Variants in ING3 observed in about 807,000 individuals in gnomAD.
The protein encoded by ING3 is inhibitor of growth protein 3.
Under a neutral mutation model 64.8 loss-of-function variants are expected in ING3, and 6 were observed. The ratio of observed to expected loss-of-function variants is 0.09; its 90% CI spans 0.05 to 0.18. The LOEUF is 0.18. Among genes scored for constraint, ING3 ranks in the 10% least tolerant of loss-of-function variants. The probability of loss-of-function intolerance (pLI) is 1.00; values close to 1 mark genes in which losing one functional copy is unlikely to be tolerated. For missense variants in ING3, 310 were observed against 489.7 expected (o/e 0.63, Z 3.46); for synonymous variants, 170 against 173.7 (o/e 0.98, Z 0.17).
chr7:120,954,752 A>T (rs575332608), intron 3 of ING3, among the ~76,000 whole-genome samples: 52 of 151,806 alleles, frequency 3.4e-4, no homozygotes, highest in South Asian at 2.1e-3. Context: ...CCTCTTTTTT[A>T]AAAAAAAATT....
At chr7:120,952,291 A>G (rs1229513800) in intron 2 of ING3, among the ~76,000 whole-genome samples, 2 of 152,196 alleles carry the variant, frequency 1.3e-5, no homozygotes, top group African/African-American at 2.4e-5. Flanking sequence ...TTACTCATTG[A>G]CTCTGACTGT....
chr7:120,974,265 T>C (rs1253099401), intron 11 of ING3, among the ~76,000 whole-genome samples: 2 of 152,214 alleles, frequency 1.3e-5, no homozygotes, highest in East Asian at 3.8e-4. Context: ...TCTCTACATT[T>C]CAAGGAATAG....
intron 4 of ING3, among the ~76,000 whole-genome samples, chr7:120,957,715 G>T (rs966495276): frequency 3.9e-5 from 6 of 152,148 alleles, no homozygotes; most frequent in African/African-American, 1.4e-4. Context: ...TAATTGAGAA[G>T]GGATAGATTC....
At chr7:120,966,546 C>T (rs921898339) in intron 5 of ING3, 80 bp from the exon 6 acceptor site, 3 of 1,035,610 alleles carry the variant, frequency 2.9e-6, no homozygotes, top group East Asian at 2.4e-5. Flanking sequence ...TAAGGGAACT[C>T]ATTGCCTGTA....
At chr7:120,952,360 A>G (rs1414418243) in intron 2 of ING3, among the ~76,000 whole-genome samples, 3 of 152,228 alleles carry the variant, frequency 2.0e-5, no homozygotes, top group Non-Finnish European at 4.4e-5. Context: ...AAGGATTTAA[A>G]ATGTTACACA....
In ING3 at chr7:120,974,860, T is replaced by TTGA; in HGVS notation, c.*20_*22dup. The TTGA allele has an allele frequency of 6.5e-7, 1 of 1,545,290 alleles. No individual in the cohort carries two copies. Among genetic ancestry groups the TTGA allele is most frequent in the South Asian group, 1.2e-5 (1 of 86,632 alleles). The stretch of plus-strand genomic sequence containing the variant: ...ACACAAATAAAGGTGGTCCTTTTGT[T>TTGA]TGATGAAGAAATAAACTTCAGCTGA... On this transcript the variant is annotated 3_prime_UTR_variant, in exon 12 of 12. Coordinates refer to ENST00000315870, the MANE Select transcript of ING3 (RefSeq NM_019071.3).
chr7:120,958,205 T>C (rs1795880050), intron 4 of ING3, among the ~76,000 whole-genome samples: 1 of 151,938 alleles, frequency 6.6e-6, no homozygotes, highest in Non-Finnish European at 1.5e-5. Flanking sequence ...TCCTTTTTAT[T>C]ATTTTTTTTC....
At chr7:120,956,720 T>C (rs1217339081) in intron 4 of ING3, 36 of 982,216 alleles carry the variant, frequency 3.7e-5, no homozygotes, top group Admixed American at 6.1e-5. Context: ...TGTTTCAGTC[T>C]TTAATTATGT....
intron 3 of ING3, among the ~76,000 whole-genome samples, chr7:120,955,102 C>T (rs1795825628): frequency 6.6e-6 from 1 of 152,030 alleles, no homozygotes; most frequent in Non-Finnish European, 1.5e-5. Context: ...ACCATCCCCA[C>T]CCTATTTCTA....
chr7:120,959,866 C>T (rs1341687640), intron 4 of ING3, among the ~76,000 whole-genome samples: 1 of 151,632 alleles, frequency 6.6e-6, no homozygotes. Context: ...AGGATGGTCT[C>T]GAACTCCTGA....
chr7:120,974,620 T>G, intron 11 of ING3, 108 bp from the exon 12 acceptor site: 1 of 575,250 alleles, frequency 1.7e-6, no homozygotes, highest in Non-Finnish European at 3.2e-6. Context: ...GTCACACATC[T>G]AATTATTGTT....
intron 4 of ING3, among the ~76,000 whole-genome samples, chr7:120,963,368 AAT>A (rs1026511800): frequency 1.3e-5 from 2 of 152,174 alleles, no homozygotes; most frequent in African/African-American, 2.4e-5. Context: ...GATTGTTGTT[AAT>A]ATATAAAATA....
chr7:120,964,669 G>T, intron 4 of ING3, 73 bp from the exon 5 acceptor site: 1 of 1,158,310 alleles, frequency 8.6e-7, no homozygotes, highest in East Asian at 2.3e-5. Flanking sequence ...CAAAAATTTA[G>T]GTTTCCTCAT....
intron 2 of ING3, among the ~76,000 whole-genome samples, chr7:120,952,737 A>G (rs1795785990): frequency 6.6e-6 from 1 of 151,974 alleles, no homozygotes; most frequent in African/African-American, 2.4e-5. Flanking sequence ...ACATAACAAC[A>G]GAATCTTTTT....
rs1414449050 is a variant in ING3, at chr7:120,974,939, T to G, written c.*95T>G. 3.0e-4 allele frequency: 220 copies of G among 733,744 alleles called. 1 individual carries two copies. Among genetic ancestry groups the G allele is most frequent in the Non-Finnish European group, 4.2e-4 (192 of 452,098 alleles). The allele number at this position is 733,744 out of a possible 1,614,324, so 45.5% of individuals were successfully genotyped here. ...AGAAGAGAAAGAAGAAACAATGCAT[T>G]TCCAGGCAACCACTTAAAGGATTTA... On this transcript the variant is annotated 3_prime_UTR_variant, in exon 12 of 12. Coordinates refer to ENST00000315870, the MANE Select transcript of ING3 (RefSeq NM_019071.3).
chr7:120,959,797 C>T (rs1364575320), intron 4 of ING3, among the ~76,000 whole-genome samples: 1 of 151,474 alleles, frequency 6.6e-6, no homozygotes, highest in African/African-American at 2.4e-5. Context: ...AGGCGCCCAC[C>T]ACCACGCCCG....
rs546967401 is a variant in ING3, at chr7:120,975,134, A to G, written c.*290A>G. ...TTTGTACTCCTCAACCATTTTCTCA[A>G]AGTAATGGGCATTCTATGATTTAGA... is the stretch of plus-strand genomic sequence containing the variant. On this transcript the variant is annotated 3_prime_UTR_variant, in exon 12 of 12. Transcript: ENST00000315870. The G allele has an allele frequency of 1.9e-4, 38 of 195,894 alleles. No individual in the cohort carries two copies. The highest frequency in any genetic ancestry group is 3.9e-4 in the Non-Finnish European group (37 of 94,140). 12.1% of individuals were successfully genotyped at this position (195,894 alleles called of 1,614,324 possible). A position where few individuals can be genotyped will look rare whatever the true frequency, so the allele number is the denominator to read the frequency against.
intron 10 of ING3, among the ~76,000 whole-genome samples, chr7:120,972,108 T>C (rs1425544484): frequency 2.0e-5 from 3 of 152,140 alleles, no homozygotes; most frequent in Non-Finnish European, 4.4e-5. Context: ...ATTTAGTTTT[T>C]TAAAAATAAT....
intron 3 of ING3, among the ~76,000 whole-genome samples, chr7:120,954,984 T>C (rs1795824649): frequency 6.6e-6 from 1 of 152,252 alleles, no homozygotes; most frequent in African/African-American, 2.4e-5. Context: ...TTAACTCATA[T>C]AGCTTTTTCT....
Sources: gnomAD v4.1 joint callset for allele counts (sites outside exome capture counted in the v4.1 genomes callset) on GRCh38, gnomAD v4.1.1 for gene constraint, MANE v1.5 for transcripts, NCBI Gene and HGNC (gene_info 2026-07-23, HGNC 2026-07-21) for gene names.